The following CTDP1 variants were observed in gnomAD, a reference collection of about 807,000 sequenced individuals.
The protein encoded by CTDP1 is CTD phosphatase 1.
Under a neutral mutation model 91.8 loss-of-function variants are expected in CTDP1, and 47 were observed. That is an observed-to-expected ratio of 0.51 (90% CI 0.41 to 0.65). CTDP1 has a LOEUF of 0.65. Ranked by LOEUF, CTDP1 falls within the 30% of genes least tolerant of loss-of-function variation. The pLI is 0.00. For synonymous variants in CTDP1, 656 were observed against 598.5 expected, an observed-to-expected ratio of 1.10 and a Z score of -1.40; for missense variants, 1,272 against 1,373.7, an observed-to-expected ratio of 0.93 and a Z score of 1.17.
chr18:79,680,223 G>A lies in CTDP1; in HGVS notation c.276G>A (p.Arg92=). The A allele has an allele frequency of 7.4e-7, 1 of 1,358,630 alleles. No individual in the cohort carries two copies. The highest frequency in any genetic ancestry group is 1.5e-5 in the African/African-American group (1 of 65,332). 84.2% of individuals were successfully genotyped at this position (1,358,630 alleles called of 1,614,324 possible). The part of the protein sequence containing the change: ...RLRSERAGVV[R]ELCAQPGQVV... Reference sequence around the variant, plus strand: ...GGTCGGAGCGCGCGGGCGTGGTGCGGGAGCTGTGCGCGCAGCCGGGCCAGG... The same window carrying A: ...GGTCGGAGCGCGCGGGCGTGGTGCGAGAGCTGTGCGCGCAGCCGGGCCAGG... Residue 92 remains arginine, a synonymous_variant, in exon 1 of 13, where the codon CGG becomes CGA. Transcript: ENST00000613122.
chr18:79,750,493 G>A (rs370340886), intron 12 of CTDP1, among the ~76,000 whole-genome samples: 1 of 151,226 alleles, frequency 6.6e-6, no homozygotes, highest in Non-Finnish European at 1.5e-5. Context: ...CCGCTACTCT[G>A]CCTTTTTTTT....
chr18:79,687,117 G>A (rs56803704), intron 1 of CTDP1, among the ~76,000 whole-genome samples: 990 of 89,396 alleles, frequency 0.011, 3 homozygotes, highest in South Asian at 0.03. Context: ...GGCCTGCACC[G>A]CAGCAGTTGG....
chr18:79,739,556 C>T (rs894569960), intron 12 of CTDP1, among the ~76,000 whole-genome samples: 9 of 152,274 alleles, frequency 5.9e-5, no homozygotes, highest in Middle Eastern at 3.4e-3. Context: ...TCGGCTCTGG[C>T]GCGGCTTCCA....
chr18:79,754,136 G>A lies in CTDP1; in HGVS notation c.*346G>A, dbSNP rs1034001416. The A allele has an allele frequency of 3.2e-5, 12 of 374,414 alleles. No individual in the cohort carries two copies. The highest frequency in any genetic ancestry group is 2.6e-4 in the East Asian group (4 of 15,516). 23.2% of individuals were successfully genotyped at this position (374,414 alleles called of 1,614,324 possible). On this transcript the variant is annotated 3_prime_UTR_variant, in exon 13 of 13. Coordinates refer to ENST00000613122, the MANE Select transcript of CTDP1 (RefSeq NM_004715.5). ...TACCAGAGCACATTCCTTAGGGGAC[G>A]GCTTTGGGGGTCCCACGAGACATGG... is the stretch of plus-strand genomic sequence containing the variant.
At chr18:79,695,031 C>T (rs917567602) in intron 1 of CTDP1, among the ~76,000 whole-genome samples, 194 bp from the exon 2 acceptor site, 1 of 152,160 alleles carries the variant, frequency 6.6e-6, no homozygotes. Flanking sequence ...TCATGAGAGA[C>T]ACCTGTAGGT....
chr18:79,707,372 A>C (rs555997407), intron 5 of CTDP1, among the ~76,000 whole-genome samples: 3 of 152,224 alleles, frequency 2.0e-5, no homozygotes, highest in Non-Finnish European at 4.4e-5. Flanking sequence ...CAGAGCATCC[A>C]TGCAGACATC....
At chr18:79,686,684 G>A (rs142081432) in intron 1 of CTDP1, among the ~76,000 whole-genome samples, 82 of 152,396 alleles carry the variant, frequency 5.4e-4, no homozygotes, top group Admixed American at 2.7e-3. Flanking sequence ...TGCTGGTGTC[G>A]TACGATTTTG....
intron 12 of CTDP1, among the ~76,000 whole-genome samples, chr18:79,747,918 A>G (rs148082849): frequency 2.2e-4 from 34 of 152,284 alleles, no homozygotes; most frequent in Non-Finnish European, 1.0e-4. Flanking sequence ...CCGGTGCCAA[A>G]TCGTGTGCAC....
At chr18:79,724,931 C>T (rs536156306) in intron 10 of CTDP1, among the ~76,000 whole-genome samples, 3 of 152,318 alleles carry the variant, frequency 2.0e-5, no homozygotes, top group East Asian at 1.9e-4. Flanking sequence ...TCAGGTGCAC[C>T]TGTGTGGTCT....
intron 4 of CTDP1, among the ~76,000 whole-genome samples, chr18:79,701,447 T>C (rs1173269024): frequency 6.6e-6 from 1 of 151,570 alleles, no homozygotes; most frequent in East Asian, 1.9e-4. Flanking sequence ...GAGGCGGAGC[T>C]TGCAGTGAGC....
At chr18:79,732,480 CAT>C (rs2086586249) in intron 11 of CTDP1, among the ~76,000 whole-genome samples, 1 of 96,472 alleles carries the variant, frequency 1.0e-5, no homozygotes, top group African/African-American at 4.1e-5. Context: ...TCACGTGAGA[CAT>C]GAGAACTCAC....
At chr18:79,731,008 G>A (rs1379426383) in intron 11 of CTDP1, among the ~76,000 whole-genome samples, 2 of 152,188 alleles carry the variant, frequency 1.3e-5, no homozygotes, top group Non-Finnish European at 1.5e-5. Flanking sequence ...CCATGTGCTT[G>A]GGGCAGATGA....
rs773944371 is a variant in CTDP1, at chr18:79,713,100, C to T, written c.992C>T (p.Ala331Val). The T allele has an allele frequency of 5.0e-6, 8 of 1,613,934 alleles. No individual in the cohort carries two copies. Among genetic ancestry groups the T allele is most frequent in the East Asian group, 2.2e-5 (1 of 44,890 alleles). Reference protein sequence around the residue: ...VYFQGTGDMNAPPGSRESQTR... With the variant: ...VYFQGTGDMNVPPGSRESQTR... ...TTCCAGGGCACGGGTGATATGAATG[C>T]GCCCCCTGGGTCCCGAGAATCTCAG... Residue 331 changes from alanine to valine, a missense_variant, in exon 7 of 13, where the codon GCG becomes GTG. Transcript: ENST00000613122. This position sits in a 1 kb window ranked among gnomAD's most constrained non-coding sequence, Gnocchi z 4.7.
rs191895414 is a variant in CTDP1, at chr18:79,754,121, C to G, written c.*331C>G. On this transcript the variant is annotated 3_prime_UTR_variant, in exon 13 of 13. Coordinates refer to ENST00000613122, the MANE Select transcript of CTDP1 (RefSeq NM_004715.5). Reference sequence around the variant, plus strand: ...TGTTTTCCCCTTGTGTACCAGAGCACATTCCTTAGGGGACGGCTTTGGGGG... The same window carrying G: ...TGTTTTCCCCTTGTGTACCAGAGCAGATTCCTTAGGGGACGGCTTTGGGGG... 285 of 397,098 alleles carry G rather than the reference C, an allele frequency of 7.2e-4. 2 individuals are homozygous for G. Among genetic ancestry groups the G allele is most frequent in the African/African-American group, 5.2e-3 (255 of 48,624 alleles). The allele number at this position is 397,098 out of a possible 1,614,324, so 24.6% of individuals were successfully genotyped here. A position where few individuals can be genotyped will look rare whatever the true frequency, so the allele number is the denominator to read the frequency against.
At chr18:79,730,520 C>G (rs774553735) in intron 11 of CTDP1, among the ~76,000 whole-genome samples, 1 of 152,210 alleles carries the variant, frequency 6.6e-6, no homozygotes, top group African/African-American at 2.4e-5. Context: ...CAGCTTTCAG[C>G]CACCCCAAAA....
At chr18:79,726,308 C>G (rs1055062970) in intron 10 of CTDP1, among the ~76,000 whole-genome samples, 4 of 152,140 alleles carry the variant, frequency 2.6e-5, no homozygotes, top group Admixed American at 2.6e-4. Flanking sequence ...TTTTTATTTT[C>G]TGTTTATAAA....
At chr18:79,737,661 G>GCAGC (rs2086694290) in intron 12 of CTDP1, among the ~76,000 whole-genome samples, 3 of 152,024 alleles carry the variant, frequency 2.0e-5, no homozygotes, top group Admixed American at 6.6e-5. Flanking sequence ...TGTGTGAAAG[G>GCAGC]CAGCCACCTC....
chr18:79,684,323 C>G (rs1315724753), intron 1 of CTDP1, among the ~76,000 whole-genome samples: 1 of 152,208 alleles, frequency 6.6e-6, no homozygotes, highest in Admixed American at 6.5e-5. Context: ...GGAATTTTAA[C>G]AAAGAAAGAA....
At chr18:79,743,669 G>T (rs2086826473) in intron 12 of CTDP1, among the ~76,000 whole-genome samples, 1 of 152,170 alleles carries the variant, frequency 6.6e-6, no homozygotes, top group African/African-American at 2.4e-5. Context: ...GAAGCACAAA[G>T]TGAGGAGGGG....
Sources: gnomAD v4.1 joint callset for allele counts (sites outside exome capture counted in the v4.1 genomes callset) on GRCh38, gnomAD v4.1.1 for gene constraint, Gnocchi (gnomAD v3.1) non-coding constraint, MANE v1.5 for transcripts, NCBI Gene and HGNC (gene_info 2026-07-23, HGNC 2026-07-21) for gene names.